Variants in RPL26L1 observed in about 807,000 individuals in gnomAD.
The protein encoded by RPL26L1 is ribosomal protein uL24-like.
RPL26L1 carries 8 observed loss-of-function variants against 15.2 expected under a neutral mutation model. The observed-to-expected ratio is 0.53, with a 90% CI of 0.31 to 0.95. The LOEUF (loss-of-function observed/expected upper bound fraction) is 0.95. RPL26L1 is among the 40% of genes least tolerant of loss of function. The pLI is 0.05. For missense variants in RPL26L1, 146 were observed against 190.9 expected, an observed-to-expected ratio of 0.76 and a Z score of 1.39; for synonymous variants, 51 against 65.9, an observed-to-expected ratio of 0.77 and a Z score of 1.09.
intron 2 of RPL26L1, among the ~76,000 whole-genome samples, chr5:172,964,299 T>C (rs1755365900): frequency 7.0e-6 from 1 of 143,814 alleles, no homozygotes; most frequent in Admixed American, 7.0e-5. Context: ...TTTTTTTTTT[T>C]TTTGAGACAG....
At chr5:172,958,264 CAAAA>C (rs5873347), upstream of RPL26L1, 89 of 286,470 alleles carry the variant, frequency 3.1e-4, no homozygotes, top group Non-Finnish European at 3.6e-4. Context: ...AACTCTATCT[CAAAA>C]AAAAAAAAAA....
rs767751234 is a variant in RPL26L1 at position 172,968,466 on chromosome 5, G to A, written c.176G>A (p.Arg59Gln). 7 of 1,613,668 alleles carry A rather than the reference G, an allele frequency of 4.3e-6. No individual in the cohort carries two copies. The highest frequency in any genetic ancestry group is 5.9e-6 in the Non-Finnish European group (7 of 1,179,868). ...IRKDDEVQVV[R>Q]GHYKGQQIGK... The stretch of plus-strand genomic sequence containing the variant: ...TTTTGTATTTTCTCTTAGGTAGTTC[G>A]AGGACACTACAAAGGTCAGCAAATT... Residue 59 changes from arginine (R) to glutamine (Q), a missense_variant, in exon 3 of 4, where the codon CGA becomes CAA. Transcript: ENST00000265100.
At chr5:172,957,522 TG>T (rs1048247808), upstream of RPL26L1, 2 of 280,250 alleles carry the variant, frequency 7.1e-6, no homozygotes, top group Admixed American at 9.6e-5. Flanking sequence ...AATAAATTGA[TG>T]AGCAAATGAA....
intron 3 of RPL26L1, among the ~76,000 whole-genome samples, chr5:172,968,834 AT>A (rs1755576324): frequency 2.2e-5 from 2 of 91,336 alleles, no homozygotes; most frequent in East Asian, 3.4e-4. Context: ...TTTGAGACGG[AT>A]GCTCGCTCTG....
upstream of RPL26L1, among the ~76,000 whole-genome samples, chr5:172,954,488 G>C (rs1316016389): frequency 6.6e-6 from 1 of 151,490 alleles, no homozygotes; most frequent in African/African-American, 2.4e-5. Context: ...GGCGGCGGGG[G>C]GGAAGTGGGG....
At chr5:172,966,900 G>T (rs1345405685) in intron 2 of RPL26L1, among the ~76,000 whole-genome samples, 3 of 151,144 alleles carry the variant, frequency 2.0e-5, no homozygotes, top group Non-Finnish European at 2.9e-5. Context: ...TCTGTCGCCA[G>T]CCTGGAGTGC....
At chr5:172,957,579 G>A (rs1380545789), upstream of RPL26L1, 2 of 281,082 alleles carry the variant, frequency 7.1e-6, no homozygotes, top group Non-Finnish European at 1.4e-5. Flanking sequence ...AAATGGATAT[G>A]TGATAGAGAA....
rs1180568326 is a variant in RPL26L1, at chr5:172,959,961, A to G, written c.88A>G (p.Met30Val). 1 of 1,614,166 alleles carries G rather than the reference A, an allele frequency of 6.2e-7. No homozygotes were observed. The change falls in exon 2 of 4, where the codon ATG becomes GTG. Residue 30 changes from methionine (M) to valine (V), a missense_variant. Transcript: ENST00000265100. ...NAPSHVRRKIMSSPLSKELRQ... is the reference protein window; with the variant it reads ...NAPSHVRRKIVSSPLSKELRQ... The stretch of plus-strand genomic sequence containing the variant: ...CCCCTCACACGTGCGCAGGAAGATC[A>G]TGTCATCCCCGCTCTCCAAGGAGCT...
intron 2 of RPL26L1, among the ~76,000 whole-genome samples, chr5:172,962,895 A>G (rs1249809856): frequency 6.6e-6 from 1 of 152,052 alleles, no homozygotes; most frequent in Non-Finnish European, 1.5e-5. Context: ...CTGTATGTAA[A>G]TGATGCCTCA....
chr5:172,958,607 C>A (rs866474153), upstream of RPL26L1: 35 of 348,466 alleles, frequency 1.0e-4, 1 homozygote, highest in Middle Eastern at 3.3e-3. Context: ...CGTGGTTGAT[C>A]TCCCTCACAG....
intron 2 of RPL26L1, among the ~76,000 whole-genome samples, chr5:172,967,784 G>A (rs1457101990): frequency 2.0e-5 from 3 of 150,788 alleles, no homozygotes; most frequent in African/African-American, 7.3e-5. Flanking sequence ...ATATACGTAT[G>A]TATACACATA....
chr5:172,960,108 T>A, intron 2 of RPL26L1, 67 bp downstream of exon 2: 1 of 1,565,286 alleles, frequency 6.4e-7, no homozygotes, highest in South Asian at 1.1e-5. Context: ...CGTGGAGCAG[T>A]CACAGACTCA....
chr5:172,959,496 C>T (rs1755133065), intron 1 of RPL26L1, 28 bp downstream of exon 1: 4 of 1,040,148 alleles, frequency 3.8e-6, no homozygotes, highest in Non-Finnish European at 4.7e-6. Context: ...TTTTCTCGGA[C>T]AGTGAACTCT....
Position 172,960,045 on chromosome 5 carries a change from C to T in RPL26L1, c.168+4C>T, listed in dbSNP as rs969369141. Reference sequence around the variant, plus strand: ...CCGCAAGGACGACGAGGTCCAGGTACGTCTCCCTCCGGCGCTAGTGGCGCT... The same window carrying T: ...CCGCAAGGACGACGAGGTCCAGGTATGTCTCCCTCCGGCGCTAGTGGCGCT... On this transcript the variant is annotated splice_donor_region_variant and intron_variant, in intron 2 of 3. Transcript: ENST00000265100. 1.9e-6 allele frequency: 3 copies of T among 1,613,984 alleles called. No homozygotes were observed. Among genetic ancestry groups the T allele is most frequent in the Non-Finnish European group, 2.5e-6 (3 of 1,179,950 alleles).
At position 172,961,870 on chromosome 5, in the gene RPL26L1, T is replaced by A. The variant is rs148011560; in HGVS notation, c.168+1829T>A. Among the ~76,000 whole-genome samples, 5 of 152,344 alleles carry A rather than the reference T, an allele frequency of 3.3e-5. No individual in the cohort carries two copies. The East Asian group carries it at 9.6e-4, about 29-fold the overall frequency. ...CAGACCTATAGATCTGACTACCTAC[T>A]GAACATCTCTATTTAGGTAGCCCAT... On this transcript the variant is annotated intron_variant, in intron 2 of 3. Coordinates refer to ENST00000265100, the MANE Select transcript of RPL26L1 (RefSeq NM_016093.4).
In RPL26L1 at chr5:172,959,856, C is replaced by T. The variant is rs752940057; in HGVS notation, c.-9-9C>T. On this transcript the variant is annotated splice_polypyrimidine_tract_variant and intron_variant, in intron 1 of 3. Coordinates refer to ENST00000265100, the MANE Select transcript of RPL26L1 (RefSeq NM_016093.4). ...GCCCCTTCATTCCGTCTCTCTCCGC[C>T]CTTTGTAGAGGGTCACCATGAAGTT... The T allele has an allele frequency of 7.4e-6, 12 of 1,613,814 alleles. No individual in the cohort carries two copies. In the Admixed American group the frequency reaches 1.3e-4, roughly 18 times the overall value.
chr5:172,965,517 A>G (rs1755419300), intron 2 of RPL26L1, among the ~76,000 whole-genome samples: 1 of 152,124 alleles, frequency 6.6e-6, no homozygotes. Flanking sequence ...TTTACTGTTA[A>G]TGGCCTCCAT....
chr5:172,958,036 G>A (rs368663184), upstream of RPL26L1: 2 of 244,358 alleles, frequency 8.2e-6, no homozygotes, highest in Non-Finnish European at 1.7e-5. Flanking sequence ...AGGCCGAGGC[G>A]GGAGAATCAC....
chr5:172,965,442 TC>T (rs1226239973), intron 2 of RPL26L1, among the ~76,000 whole-genome samples: 1 of 152,208 alleles, frequency 6.6e-6, no homozygotes, highest in Non-Finnish European at 1.5e-5. Flanking sequence ...CTTCTCATCT[TC>T]AGAGCCAAGC....
Sources: allele counts gnomAD v4.1 joint callset (sites outside exome capture counted in the v4.1 genomes callset), GRCh38; gene constraint gnomAD v4.1.1; transcripts MANE v1.5; gene names NCBI Gene and HGNC (gene_info 2026-07-23, HGNC 2026-07-21).